Variants in CYP4F22 observed in about 807,000 individuals in gnomAD.
The protein encoded by CYP4F22 is ultra-long-chain fatty acid omega-hydroxylase.
In CYP4F22, 37 loss-of-function variants were observed where a neutral mutation model predicts 60.4. That is an observed-to-expected ratio of 0.61 (90% CI 0.47 to 0.81). CYP4F22 has a LOEUF of 0.81. CYP4F22 is among the 30% of genes least tolerant of loss of function. The pLI, the probability that CYP4F22 is intolerant of heterozygous loss-of-function variation, is 0.00. For missense variants in CYP4F22, 655 were observed against 715.0 expected (o/e 0.92, Z 0.96); for synonymous variants, 258 against 280.5 (o/e 0.92, Z 0.80).
Position 15,544,150 on chromosome 19 carries a change from G to T in CYP4F22, c.1007G>T (p.Gly336Val). 2.5e-6 allele frequency: 4 copies of T among 1,614,150 alleles called. No individual in the cohort carries two copies. The highest frequency in any genetic ancestry group is 3.4e-6 in the Non-Finnish European group (4 of 1,180,040). ...TTCAGATACCCTCATCTCCCTGCAG[G>T]TCACGACACAACATCCAGTGGGATC... is the stretch of plus-strand genomic sequence containing the variant. ...RAEADTFMFE[G>V]HDTTSSGISW... The change falls in exon 10 of 14, where the codon GGT becomes GTT. Residue 336 changes from glycine (G) to valine (V), a missense_variant and splice_region_variant. Gly to Val is a moderately radical substitution (Grantham distance 109). Transcript: ENST00000269703.
intron 4 of CYP4F22, among the ~76,000 whole-genome samples, chr19:15,531,085 A>G (rs927010504): frequency 3.9e-5 from 6 of 152,132 alleles, no homozygotes; most frequent in African/African-American, 1.2e-4. Flanking sequence ...CTCGAAAAAA[A>G]TAAATAATTA....
intron 2 of CYP4F22, 43 bp from the exon 3 acceptor site, chr19:15,525,293 G>A (rs374002397): frequency 1.8e-5 from 28 of 1,594,054 alleles, no homozygotes; most frequent in African/African-American, 1.1e-4. Context: ...ATGGGTCATC[G>A]TCTTGTGCAT....
At position 15,551,333 on chromosome 19, in the gene CYP4F22, C is replaced by T; in HGVS notation, c.1458C>T (p.Arg486=). The T allele has an allele frequency of 6.2e-7, 1 of 1,613,540 alleles. No individual in the cohort carries two copies. Among genetic ancestry groups the T allele is most frequent in the Non-Finnish European group, 8.5e-7 (1 of 1,179,756 alleles). ...IGQSFAMAEL[R]VVVALTLLRF... is the part of the protein sequence containing the mutation. The stretch of plus-strand genomic sequence containing the variant: ...AGAGCTTCGCCATGGCCGAGTTGCG[C>T]GTGGTTGTGGCACTAACACTGCTAC... Residue 486 remains arginine, a synonymous_variant, in exon 14 of 14, where the codon CGC becomes CGT. Transcript: ENST00000269703.
intron 10 of CYP4F22, 104 bp from the exon 11 acceptor site, chr19:15,547,990 AGAGAGGGAGAGAGT>A (rs1329764608): frequency 0.013 from 4,356 of 324,640 alleles, 231 homozygotes; most frequent in Non-Finnish European, 0.016. Context: ...AGAGAGAGAG[AGAGAGGGAGAGAGT>A]GTGTGTGTGT....
chr19:15,540,347 T>G, intron 7 of CYP4F22, 103 bp from the exon 8 acceptor site: 5 of 1,371,852 alleles, frequency 3.6e-6, no homozygotes, highest in Non-Finnish European at 5.1e-6. Flanking sequence ...GGGCTTCTCT[T>G]TGTTATCTAT....
intron 4 of CYP4F22, among the ~76,000 whole-genome samples, chr19:15,530,971 G>A (rs1971336825): frequency 6.6e-6 from 1 of 152,174 alleles, no homozygotes; most frequent in Non-Finnish European, 1.5e-5. Context: ...GTCAGGCATG[G>A]TGGTTCACAT....
intron 3 of CYP4F22, among the ~76,000 whole-genome samples, chr19:15,525,986 A>AC (rs1372501332): frequency 6.6e-6 from 1 of 151,752 alleles, no homozygotes; most frequent in African/African-American, 2.4e-5. Context: ...ACACAGTGAG[A>AC]CCCCATCTCT....
intron 4 of CYP4F22, among the ~76,000 whole-genome samples, chr19:15,535,208 A>C (rs917946785): frequency 6.6e-6 from 1 of 152,124 alleles, no homozygotes; most frequent in African/African-American, 2.4e-5. Context: ...CTTAGCACCT[A>C]GCACACTTTC....
chr19:15,551,898 C>G lies in CYP4F22; in HGVS notation c.*427C>G, dbSNP rs138230079. The G allele has an allele frequency of 1.4e-3, 259 of 181,738 alleles. No individual in the cohort carries two copies. Among genetic ancestry groups the G allele is most frequent in the African/African-American group, 5.7e-3 (241 of 42,016 alleles). 11.3% of individuals were successfully genotyped at this position (181,738 alleles called of 1,614,324 possible). A position where few individuals can be genotyped will look rare whatever the true frequency, so the allele number is the denominator to read the frequency against. On this transcript the variant is annotated 3_prime_UTR_variant, in exon 14 of 14. Transcript: ENST00000269703. ...CTCAGGGCCCACCACACCCCACCCC[C>G]CCCCAACTGGCTGAACCCCTGGCAG...
At chr19:15,549,635 C>T (rs947527312) in intron 12 of CYP4F22, among the ~76,000 whole-genome samples, 39 of 149,764 alleles carry the variant, frequency 2.6e-4, no homozygotes, top group African/African-American at 9.6e-4. Context: ...TGAGACCAGC[C>T]TGGGCAACAC....
chr19:15,513,430 TCTCGGCTCACTGCAAA>T (rs1971117382), intron 1 of CYP4F22, among the ~76,000 whole-genome samples: 1 of 149,126 alleles, frequency 6.7e-6, no homozygotes, highest in Non-Finnish European at 1.5e-5. Context: ...AGTGGCGCGA[TCTCGGCTCACTGCAAA>T]CTCCGCCTCC....
At chr19:15,529,897 C>G (rs767231639) in intron 4 of CYP4F22, 44 bp downstream of exon 4, 99 of 1,612,278 alleles carry the variant, frequency 6.1e-5, no homozygotes, top group Non-Finnish European at 8.2e-5. Flanking sequence ...TCCTCAACTC[C>G]CAGAGCCTAT....
At chr19:15,533,365 C>A (rs915451173) in intron 4 of CYP4F22, among the ~76,000 whole-genome samples, 3 of 151,588 alleles carry the variant, frequency 2.0e-5, no homozygotes, top group African/African-American at 7.3e-5. Context: ...AATTTTTAGT[C>A]ACCTCATAAA....
rs150837991 is a variant in CYP4F22 at position 15,551,662 on chromosome 19, G to C, written c.*191G>C. On this transcript the variant is annotated 3_prime_UTR_variant, in exon 14 of 14. Transcript: ENST00000269703. ...CCTCAAGGCAAGGCTCCTCCCCTTA[G>C]GGGGCCTGATCCCGCCCCTTGAGGC... The C allele has an allele frequency of 1.7e-5, 12 of 700,578 alleles. No homozygotes were observed. The highest frequency in any genetic ancestry group is 5.7e-5 in the South Asian group (3 of 52,446). The allele number at this position is 700,578 out of a possible 1,614,324, so 43.4% of individuals were successfully genotyped here. A position where few individuals can be genotyped will look rare whatever the true frequency, so the allele number is the denominator to read the frequency against.
intron 2 of CYP4F22, among the ~76,000 whole-genome samples, 177 bp from the exon 3 acceptor site, chr19:15,525,159 C>G (rs1971267073): frequency 6.6e-6 from 1 of 152,190 alleles, no homozygotes; most frequent in Admixed American, 6.5e-5. Flanking sequence ...GAGCAGGGCC[C>G]CGAGTGCATC....
chr19:15,547,070 C>T (rs1248357209), intron 10 of CYP4F22, among the ~76,000 whole-genome samples: 6 of 134,534 alleles, frequency 4.5e-5, no homozygotes, highest in Non-Finnish European at 9.2e-5. Flanking sequence ...GTCACCCAGG[C>T]TAGAGTGTAG....
At chr19:15,544,326 C>T in intron 10 of CYP4F22, 47 bp downstream of exon 10, 1 of 1,589,620 alleles carries the variant, frequency 6.3e-7, no homozygotes, top group Non-Finnish European at 8.6e-7. Context: ...GAGGCCAGAG[C>T]CTTGGGTGTA....
chr19:15,549,002 T>C, intron 11 of CYP4F22, 136 bp from the exon 12 acceptor site: 1 of 930,942 alleles, frequency 1.1e-6, no homozygotes, highest in Admixed American at 2.1e-5. Flanking sequence ...GCAGAATTTT[T>C]TAGAGAAGGA....
At chr19:15,538,492 A>G (rs1312938609) in intron 7 of CYP4F22, among the ~76,000 whole-genome samples, 1 of 152,236 alleles carries the variant, frequency 6.6e-6, no homozygotes, top group Non-Finnish European at 1.5e-5. Context: ...GCCTTGCTTC[A>G]TTAATTCATT....
Sources: allele counts gnomAD v4.1 joint callset (sites outside exome capture counted in the v4.1 genomes callset), GRCh38; gene constraint gnomAD v4.1.1; transcripts MANE v1.5; gene names NCBI Gene and HGNC (gene_info 2026-07-23, HGNC 2026-07-21).